HIVEP2: variants seen among roughly 807,000 people sequenced by gnomAD.
HIVEP2 encodes transcription factor HIVEP2.
In HIVEP2, 14 loss-of-function variants were observed where a neutral mutation model predicts 180.7. The ratio of observed to expected loss-of-function variants is 0.08; its 90% CI spans 0.05 to 0.12. The LOEUF is 0.12. HIVEP2 is among the 10% of genes least tolerant of loss of function. The pLI is 1.00. For missense variants in HIVEP2, 2,579 were observed against 3,008.5 expected (o/e 0.86, Z 3.34); for synonymous variants, 1,184 against 1,136.4 (o/e 1.04, Z -0.84).
intron 2 of HIVEP2, among the ~76,000 whole-genome samples, chr6:142,818,501 G>A (rs1480546600): frequency 6.6e-6 from 1 of 151,474 alleles, no homozygotes; most frequent in Non-Finnish European, 1.5e-5. Context: ...ACATTATGAA[G>A]CTTCGTCTCC....
chr6:142,829,379 A>C (rs1386304041), intron 2 of HIVEP2, among the ~76,000 whole-genome samples: 1 of 152,172 alleles, frequency 6.6e-6, no homozygotes, highest in Non-Finnish European at 1.5e-5. Flanking sequence ...CCACCTATCA[A>C]AACCTTGCAC....
chr6:142,784,308 T>A (rs1445988795), intron 2 of HIVEP2, among the ~76,000 whole-genome samples: 8 of 152,168 alleles, frequency 5.3e-5, no homozygotes, highest in African/African-American at 9.7e-5. Flanking sequence ...GTTATTTTTT[T>A]AAAAAAATCG....
intron 2 of HIVEP2, among the ~76,000 whole-genome samples, chr6:142,797,700 G>T (rs1248798322): frequency 6.6e-6 from 1 of 152,076 alleles, no homozygotes; most frequent in East Asian, 1.9e-4. Flanking sequence ...CACACAACTT[G>T]TATTACAATA....
chr6:142,825,880 A>T (rs1244837395), intron 2 of HIVEP2, among the ~76,000 whole-genome samples: 1 of 152,148 alleles, frequency 6.6e-6, no homozygotes, highest in Non-Finnish European at 1.5e-5. Flanking sequence ...TTTTTTCAGC[A>T]GACTTTCAAC....
At position 142,914,006 on chromosome 6, in the gene HIVEP2, G is replaced by GA. The variant is rs372029128; in HGVS notation, c.-641+31092dup. On this transcript the variant is annotated intron_variant, in intron 1 of 9. Transcript: ENST00000367603. Reference sequence around the variant, plus strand: ...AAATATTATCAGGCTCTCAGTATATGAAAAAAAAAAAAGTGCCTGAGATGT... The same window carrying GA: ...AAATATTATCAGGCTCTCAGTATATGAAAAAAAAAAAAAGTGCCTGAGATGT... Among the ~76,000 whole-genome samples, 286 of 145,236 alleles carry GA rather than the reference G, an allele frequency of 2.0e-3. 2 individuals are homozygous for GA. Among genetic ancestry groups the GA allele is most frequent in the East Asian group, 0.011 (54 of 5,030 alleles).
chr6:142,914,308 C>G (rs1217234439), intron 1 of HIVEP2, among the ~76,000 whole-genome samples: 5 of 152,100 alleles, frequency 3.3e-5, no homozygotes, highest in Non-Finnish European at 7.4e-5. Context: ...AAATTGGAAT[C>G]TTTGTTTTCC....
chr6:142,816,873 G>GGT (rs34958624), intron 2 of HIVEP2, among the ~76,000 whole-genome samples: 6,579 of 148,530 alleles, frequency 0.044, 211 homozygotes, highest in East Asian at 0.13. Flanking sequence ...AGCACCAGAG[G>GGT]GTGTGTGTGT....
intron 7 of HIVEP2, among the ~76,000 whole-genome samples, chr6:142,762,452 GCACACACACACACACACA>G (rs35168499): frequency 4.9e-4 from 70 of 144,000 alleles, no homozygotes; most frequent in South Asian, 8.8e-4. Context: ...ACAGAAGAAT[GCACACACACACACACACA>G]CACACACACA....
At chr6:142,915,561 T>C (rs1192723062) in intron 1 of HIVEP2, among the ~76,000 whole-genome samples, 1 of 152,188 alleles carries the variant, frequency 6.6e-6, no homozygotes, top group Non-Finnish European at 1.5e-5. Flanking sequence ...TGTGGGACTT[T>C]ATCACAGCAG....
At chr6:142,764,999 T>C (rs113059816) in intron 6 of HIVEP2, 25 bp from the exon 7 acceptor site, 1 of 1,582,692 alleles carries the variant, frequency 6.3e-7, no homozygotes, top group East Asian at 2.3e-5. Flanking sequence ...GGGAATCCAG[T>C]GTGTTTTCAA....
intron 2 of HIVEP2, among the ~76,000 whole-genome samples, chr6:142,799,873 G>A (rs758906182): frequency 6.6e-6 from 1 of 152,114 alleles, no homozygotes; most frequent in Admixed American, 6.6e-5. Context: ...ACCCAGCATC[G>A]CTGATTAGTT....
At chr6:142,875,209 G>A (rs1663661137) in intron 1 of HIVEP2, among the ~76,000 whole-genome samples, 1 of 152,172 alleles carries the variant, frequency 6.6e-6, no homozygotes. Flanking sequence ...GAGCCATGCA[G>A]GGGATATGCA....
At chr6:142,757,635 C>T (rs966446121) in intron 9 of HIVEP2, among the ~76,000 whole-genome samples, 10 of 152,036 alleles carry the variant, frequency 6.6e-5, no homozygotes, top group Admixed American at 1.3e-4. Flanking sequence ...TCCAGCCTGG[C>T]GACAGAGCGA....
chr6:142,758,586 G>A (rs1775137965), intron 9 of HIVEP2, among the ~76,000 whole-genome samples: 1 of 152,118 alleles, frequency 6.6e-6, no homozygotes, highest in African/African-American at 2.4e-5. Flanking sequence ...AGATTCCAAA[G>A]GTATCATGCC....
intron 2 of HIVEP2, among the ~76,000 whole-genome samples, chr6:142,791,093 G>C (rs1776126544): frequency 1.3e-5 from 2 of 152,154 alleles, no homozygotes; most frequent in South Asian, 4.1e-4. Flanking sequence ...TTCCTAGAGA[G>C]TGGGGAAATT....
intron 1 of HIVEP2, among the ~76,000 whole-genome samples, chr6:142,842,510 A>G (rs907277844): frequency 4.6e-5 from 7 of 151,750 alleles, no homozygotes; most frequent in Admixed American, 1.3e-4. Context: ...AGATAGGCAA[A>G]TAAGAACTGA....
intron 6 of HIVEP2, among the ~76,000 whole-genome samples, chr6:142,766,437 T>G (rs1775381384): frequency 6.6e-6 from 1 of 152,196 alleles, no homozygotes; most frequent in Non-Finnish European, 1.5e-5. Flanking sequence ...TGCAAATGTC[T>G]TTCACCTTTA....
intron 1 of HIVEP2, among the ~76,000 whole-genome samples, chr6:142,888,220 A>G (rs574420045): frequency 4.5e-4 from 68 of 151,946 alleles, no homozygotes; most frequent in African/African-American, 1.5e-3. Context: ...GTTTTGTTGT[A>G]TTGTTCTTTT....
intron 2 of HIVEP2, among the ~76,000 whole-genome samples, chr6:142,795,913 G>T (rs1776266361): frequency 6.6e-6 from 1 of 152,142 alleles, no homozygotes; most frequent in Non-Finnish European, 1.5e-5. Flanking sequence ...CATCTGCCAT[G>T]GACAAACCGT....
Sources: allele counts gnomAD v4.1 joint callset (sites outside exome capture counted in the v4.1 genomes callset), GRCh38; gene constraint gnomAD v4.1.1; transcripts MANE v1.5; gene names NCBI Gene and HGNC (gene_info 2026-07-23, HGNC 2026-07-21).